CIZ1: variants seen among roughly 807,000 people sequenced by gnomAD.
The protein encoded by CIZ1 is cip1-interacting zinc finger protein.
Under a neutral mutation model 118.6 loss-of-function variants are expected in CIZ1, and 58 were observed. That is an observed-to-expected ratio of 0.49 (90% CI 0.40 to 0.61). The LOEUF (loss-of-function observed/expected upper bound fraction) is 0.61, where lower values mean the gene tolerates loss of function less well. Ranked by LOEUF, CIZ1 falls within the 20% of genes least tolerant of loss-of-function variation. The pLI is 0.00. For synonymous variants in CIZ1, 448 were observed against 443.4 expected (o/e 1.01, Z -0.13); for missense variants, 921 against 1,115.9 (o/e 0.83, Z 2.49).
At position 128,180,408 on chromosome 9, in the gene CIZ1, C is replaced by T; in HGVS notation, c.791+7G>A. 1 of 1,610,654 alleles carries T rather than the reference C, an allele frequency of 6.2e-7. No homozygotes were observed. The highest frequency in any genetic ancestry group is 8.5e-7 in the Non-Finnish European group (1 of 1,176,858). Reference sequence around the variant, plus strand: ...CGGGCGCAGGTCAGGTTTTCAGCATCAGTTACCTCCTCAATCTCTTTGCTG... The same window carrying T: ...CGGGCGCAGGTCAGGTTTTCAGCATTAGTTACCTCCTCAATCTCTTTGCTG... On this transcript the variant is annotated splice_region_variant and intron_variant, in intron 7 of 16. Transcript: ENST00000372938.
At chr9:128,180,647 A>G (rs1218717661) in intron 6 of CIZ1, 74 bp downstream of exon 6, 3 of 1,365,944 alleles carry the variant, frequency 2.2e-6, no homozygotes, top group African/African-American at 1.7e-5. Flanking sequence ...ACCTGCCTCT[A>G]TCACCTGCTG....
intron 3 of CIZ1, 86 bp downstream of exon 3, chr9:128,190,243 G>C: frequency 1.1e-6 from 1 of 901,554 alleles, no homozygotes; most frequent in Non-Finnish European, 1.8e-6. Context: ...TCTCAGGGTG[G>C]CTGTGTGGAG....
At position 128,169,078 on chromosome 9, in the gene CIZ1, C is replaced by T. The variant is rs559288292; in HGVS notation, c.2269G>A (p.Glu757Lys). The T allele has an allele frequency of 2.5e-6, 4 of 1,614,132 alleles. No homozygotes were observed. Among genetic ancestry groups the T allele is most frequent in the African/African-American group, 1.3e-5 (1 of 75,046 alleles). The change falls in exon 14 of 17, where the codon GAG becomes AAG. Residue 757 changes from glutamate to lysine, a missense_variant. By Grantham distance (56) the Glu-to-Lys change is moderately conservative. Transcript: ENST00000372938. Reference protein sequence around the residue: ...EEDDEDEEEIEVEEELCKQVR... With the variant: ...EEDDEDEEEIKVEEELCKQVR... ...TGCTTGCAGAGTTCCTCCTCAACCT[C>T]GATCTCTTCTTCATCCTCATCATCC...
At position 128,166,496 on chromosome 9, in the gene CIZ1, C is replaced by T; in HGVS notation, c.2488-90G>A. The T allele has an allele frequency of 1.7e-6, 2 of 1,158,378 alleles. No homozygotes were observed. Among genetic ancestry groups the T allele is most frequent in the Non-Finnish European group, 1.2e-6 (1 of 823,908 alleles). The allele number at this position is 1,158,378 out of a possible 1,614,324, so 71.8% of individuals were successfully genotyped here. The stretch of plus-strand genomic sequence containing the variant: ...GCTACTTCCCCAGCTCTGGCTGAGA[C>T]AGTATTAGTGTGCTCTGTGACCCTG... On this transcript the variant is annotated intron_variant, in intron 16 of 16. Coordinates refer to ENST00000372938, the MANE Select transcript of CIZ1 (RefSeq NM_001131016.2). This position sits in a 1 kb window ranked among gnomAD's most constrained non-coding sequence, Gnocchi z 4.4.
rs1037039342 is a variant in CIZ1, at chr9:128,178,824, G to C, written c.1383C>G (p.Thr461=). ...AQVSVQPPEQ[T]HEQPHTQPQV... ...GCGGCTGGGTGTGAGGCTGCTCATG[G>C]GTCTGCTCTGGTGGCTGTACTGACA... is the stretch of plus-strand genomic sequence containing the variant. Residue 461 remains threonine, a synonymous_variant, in exon 8 of 17, where the codon ACC becomes ACG. Coordinates refer to ENST00000372938, the MANE Select transcript of CIZ1 (RefSeq NM_001131016.2). 1.2e-6 allele frequency: 2 copies of C among 1,614,070 alleles called. No homozygotes were observed. Among genetic ancestry groups the C allele is most frequent in the African/African-American group, 1.3e-5 (1 of 74,924 alleles).
In CIZ1 at chr9:128,185,719, G is replaced by A; in HGVS notation, c.416C>T (p.Pro139Leu). 1 of 1,612,758 alleles carries A rather than the reference G, an allele frequency of 6.2e-7. No homozygotes were observed. The change falls in exon 5 of 17, where the codon CCC (proline) becomes CTC (leucine). Residue 139 changes from proline (P) to leucine (L), a missense_variant. Physicochemically the swap from Pro to Leu is moderately conservative, Grantham distance 98. Transcript: ENST00000372938. ...CAAATTTGGAGTGGCCAGTTGTGGG[G>A]GTGTGAGGCTGGGGGCTGCGAGGCC... is the stretch of plus-strand genomic sequence containing the variant. ...SPGLAAPSLT[P>L]PQLATPNLQQ...
At position 128,185,533 on chromosome 9, in the gene CIZ1, C is replaced by T; in HGVS notation, c.588+14G>A. The T allele has an allele frequency of 6.7e-7, 1 of 1,498,268 alleles. No individual in the cohort carries two copies. The highest frequency in any genetic ancestry group is 8.9e-7 in the Non-Finnish European group (1 of 1,117,844). 92.8% of individuals were successfully genotyped at this position (1,498,268 alleles called of 1,614,324 possible). ...GTCCCCTCCCGCCCACTCCCATCCCCACCTACCACTCACCTTTCGATTGGG... is the reference window on the plus strand; with the variant it reads ...GTCCCCTCCCGCCCACTCCCATCCCTACCTACCACTCACCTTTCGATTGGG... On this transcript the variant is annotated intron_variant, in intron 5 of 16. Transcript: ENST00000372938.
intron 11 of CIZ1, among the ~76,000 whole-genome samples, chr9:128,175,214 A>G (rs1247501967): frequency 6.6e-6 from 1 of 152,122 alleles, no homozygotes; most frequent in East Asian, 1.9e-4. Flanking sequence ...TTCTCCAGTT[A>G]TTCTATTTAT....
At chr9:128,176,713 G>C (rs1830896710) in intron 10 of CIZ1, among the ~76,000 whole-genome samples, 1 of 152,218 alleles carries the variant, frequency 6.6e-6, no homozygotes, top group Non-Finnish European at 1.5e-5. Flanking sequence ...GGAGCGGCCT[G>C]ATTAGCATCC....
At chr9:128,169,256 T>C in intron 13 of CIZ1, 55 bp from the exon 14 acceptor site, 1 of 1,554,458 alleles carries the variant, frequency 6.4e-7, no homozygotes, top group Non-Finnish European at 8.9e-7. Flanking sequence ...CAGGGGGCCA[T>C]GCCCTACCCA....
chr9:128,188,446 A>T (rs1402753183), intron 3 of CIZ1, among the ~76,000 whole-genome samples: 1 of 152,058 alleles, frequency 6.6e-6, no homozygotes, highest in Non-Finnish European at 1.5e-5. Context: ...CCCATTTTTA[A>T]CCTTTTTTTC....
At chr9:128,184,660 T>C (rs1251088910) in intron 5 of CIZ1, among the ~76,000 whole-genome samples, 1 of 151,814 alleles carries the variant, frequency 6.6e-6, no homozygotes, top group African/African-American at 2.4e-5. Flanking sequence ...GCCCTGATAA[T>C]TTTATTTTTA....
chr9:128,203,548 C>T lies in CIZ1; in HGVS notation c.-6+638G>A, dbSNP rs1327616821. 1.3e-6 allele frequency: 2 copies of T among 1,548,258 alleles called. No homozygotes were observed. Among genetic ancestry groups the T allele is most frequent in the African/African-American group, 1.4e-5 (1 of 70,398 alleles). On this transcript the variant is annotated intron_variant, in intron 1 of 17. Transcript: ENST00000372948. This position sits in a 1 kb window ranked among gnomAD's most constrained non-coding sequence, Gnocchi z 5.3. ...ACGCCTTCTCTGCCATCGGCCAGAA[C>T]GCGGACCTCGACCTGCCGCAGATCG...
At chr9:128,180,362 G>C in intron 7 of CIZ1, 53 bp downstream of exon 7, 1 of 1,368,598 alleles carries the variant, frequency 7.3e-7, no homozygotes, top group Non-Finnish European at 1.0e-6. Context: ...TGCCTTTGCA[G>C]GAATGAGAGC....
chr9:128,180,667 C>A, intron 6 of CIZ1, 54 bp downstream of exon 6: 1 of 1,447,300 alleles, frequency 6.9e-7, no homozygotes, highest in Non-Finnish European at 9.6e-7. Context: ...GACCCGCCCA[C>A]TGGCCCCACC....
chr9:128,176,529 G>C (rs1481933629), intron 10 of CIZ1, 54 bp from the exon 11 acceptor site: 2 of 1,574,928 alleles, frequency 1.3e-6, no homozygotes, highest in Non-Finnish European at 1.7e-6. Context: ...AGAACAGTGG[G>C]CAAGGCTGGG....
chr9:128,169,300 A>T, intron 13 of CIZ1, 99 bp from the exon 14 acceptor site: 1 of 957,890 alleles, frequency 1.0e-6, no homozygotes, highest in South Asian at 1.3e-5. Context: ...CAATCCCTCC[A>T]GACCCGCTGT....
intron 11 of CIZ1, among the ~76,000 whole-genome samples, chr9:128,174,024 CAA>C (rs888369095): frequency 6.8e-6 from 1 of 147,668 alleles, no homozygotes; most frequent in Admixed American, 6.7e-5. Context: ...AACAAAAAAA[CAA>C]AAAAAAAAAA....
chr9:128,179,388 AG>A lies in CIZ1; in HGVS notation c.818del (p.Pro273LeufsTer7). ...GGGCCTTCACCTGTAACTGCCCTGG[AG>A]GTTCCTTCTCTGTGGGCTCTTCTGA... Reference protein sequence around the residue: ...RSSEEPTEKEPPGQLQVKAQP... With the variant: ...RSSEEPTEKEXPGQLQVKAQP... On this transcript the variant is annotated frameshift_variant, in exon 8 of 17. Transcript: ENST00000372938. LOFTEE classifies it high-confidence loss of function. The A allele has an allele frequency of 6.2e-7, 1 of 1,606,848 alleles. No individual in the cohort carries two copies. Among genetic ancestry groups the A allele is most frequent in the Non-Finnish European group, 8.5e-7 (1 of 1,177,356 alleles).
Sources: gnomAD v4.1 joint callset for allele counts (sites outside exome capture counted in the v4.1 genomes callset) on GRCh38, gnomAD v4.1.1 for gene constraint, Gnocchi (gnomAD v3.1) non-coding constraint, MANE v1.5 for transcripts, NCBI Gene and HGNC (gene_info 2026-07-23, HGNC 2026-07-21) for gene names.